The following AK8 variants were observed in gnomAD, a reference collection of about 807,000 sequenced individuals.
AK8 encodes the protein ATP-AMP transphosphorylase 8.
AK8 carries 44 observed loss-of-function variants against 54.6 expected under a neutral mutation model. That is an observed-to-expected ratio of 0.81 (90% CI 0.63 to 1.04). The LOEUF (loss-of-function observed/expected upper bound fraction) is 1.04, where lower values mean the gene tolerates loss of function less well. Among genes scored for constraint, AK8 ranks in the 50% least tolerant of loss-of-function variants. The pLI is 0.00. For synonymous variants in AK8, 239 were observed against 245.6 expected, an observed-to-expected ratio of 0.97 and a Z score of 0.25; for missense variants, 555 against 613.6, an observed-to-expected ratio of 0.90 and a Z score of 1.01.
intron 11 of AK8, among the ~76,000 whole-genome samples, chr9:132,732,830 G>C (rs1223419387): frequency 1.3e-5 from 2 of 152,022 alleles, no homozygotes; most frequent in African/African-American, 4.8e-5. Flanking sequence ...GCCTAGGCTG[G>C]GTTTCCTGCA....
chr9:132,742,785 C>G (rs1177451393), intron 11 of AK8, among the ~76,000 whole-genome samples: 5 of 152,230 alleles, frequency 3.3e-5, no homozygotes, highest in Non-Finnish European at 7.3e-5. Flanking sequence ...CGTGGGCCCA[C>G]ACACCAGCAC....
intron 11 of AK8, among the ~76,000 whole-genome samples, chr9:132,752,187 C>T (rs2131019647): frequency 6.6e-6 from 1 of 151,756 alleles, no homozygotes; most frequent in Non-Finnish European, 1.5e-5. Context: ...TAGACATACA[C>T]CCAAATGTCA....
At chr9:132,729,911 C>G (rs114054894) in intron 11 of AK8, among the ~76,000 whole-genome samples, 100 of 152,310 alleles carry the variant, frequency 6.6e-4, no homozygotes, top group African/African-American at 2.2e-3. Flanking sequence ...TGAGACCTCC[C>G]TCCTTCCCTC....
At chr9:132,735,399 T>C (rs115847470) in intron 11 of AK8, among the ~76,000 whole-genome samples, 121 of 152,338 alleles carry the variant, frequency 7.9e-4, no homozygotes, top group African/African-American at 2.8e-3. Context: ...ACTGCAAATA[T>C]GATGCCCGGT....
chr9:132,731,194 G>A (rs960739610), intron 11 of AK8, among the ~76,000 whole-genome samples: 2 of 152,186 alleles, frequency 1.3e-5, no homozygotes, highest in Admixed American at 6.5e-5. Context: ...CCTGAAAGCC[G>A]AATTCCGAGT....
chr9:132,789,941 A>G (rs539944811), intron 11 of AK8, among the ~76,000 whole-genome samples: 2 of 152,314 alleles, frequency 1.3e-5, no homozygotes, highest in African/African-American at 4.8e-5. Flanking sequence ...TTTCTATTTT[A>G]AGGTGAACTG....
At chr9:132,812,538 G>GGGATGACGGGTGAGCCGCCGCGCCCACTC (rs1841094698) in intron 10 of AK8, among the ~76,000 whole-genome samples, 1 of 150,720 alleles carries the variant, frequency 6.6e-6, no homozygotes, top group Non-Finnish European at 1.5e-5. Flanking sequence ...CGTGCCCACT[G>GGGATGACGGGTGAGCCGCCGCGCCCACTC]GGATGACGGG....
chr9:132,778,301 G>A (rs1243046790), intron 11 of AK8, among the ~76,000 whole-genome samples: 5 of 152,130 alleles, frequency 3.3e-5, no homozygotes, highest in Admixed American at 6.5e-5. Flanking sequence ...CCTGCTCGTC[G>A]GGAGGCTCAG....
At chr9:132,869,644 C>A (rs1444112869) in intron 2 of AK8, among the ~76,000 whole-genome samples, 4 of 152,218 alleles carry the variant, frequency 2.6e-5, no homozygotes, top group Admixed American at 2.6e-4. Flanking sequence ...TGGGGCAAGG[C>A]CTCCCAGGGC....
intron 2 of AK8, among the ~76,000 whole-genome samples, chr9:132,870,969 G>C (rs1296636169): frequency 6.6e-6 from 1 of 152,218 alleles, no homozygotes; most frequent in Non-Finnish European, 1.5e-5. Flanking sequence ...TAGGCGGCCG[G>C]GTATGGTGGC....
At chr9:132,752,039 A>C (rs1041227196) in intron 11 of AK8, among the ~76,000 whole-genome samples, 6 of 151,680 alleles carry the variant, frequency 4.0e-5, no homozygotes, top group African/African-American at 1.5e-4. Context: ...ATGGGGTTTC[A>C]TCATGTTGGT....
intron 10 of AK8, among the ~76,000 whole-genome samples, chr9:132,813,397 C>T (rs755761614): frequency 1.3e-5 from 2 of 152,224 alleles, no homozygotes; most frequent in Non-Finnish European, 2.9e-5. Flanking sequence ...TCCTCATCAA[C>T]CTGCTCCATC....
chr9:132,851,155 A>G (rs542203711), intron 5 of AK8, among the ~76,000 whole-genome samples: 1 of 152,320 alleles, frequency 6.6e-6, no homozygotes, highest in African/African-American at 2.4e-5. Flanking sequence ...ATGGGAGAAG[A>G]GCGAGCTAGG....
intron 10 of AK8, among the ~76,000 whole-genome samples, chr9:132,797,636 C>T (rs1440164571): frequency 6.6e-6 from 1 of 152,180 alleles, no homozygotes; most frequent in African/African-American, 2.4e-5. Context: ...ATTATACTAG[C>T]GATGGCTCCC....
intron 8 of AK8, among the ~76,000 whole-genome samples, chr9:132,823,656 T>C (rs1042641680): frequency 3.3e-5 from 5 of 152,206 alleles, no homozygotes; most frequent in Non-Finnish European, 5.9e-5. Flanking sequence ...TGTGTTGCAG[T>C]TGGGAGACTG....
At chr9:132,732,639 G>A (rs73545188) in intron 11 of AK8, among the ~76,000 whole-genome samples, 7,051 of 152,180 alleles carry the variant, frequency 0.046, 534 homozygotes, top group African/African-American at 0.16. Flanking sequence ...GTGGAAGCCC[G>A]GGGTTCCCTG....
At chr9:132,825,530 C>T (rs759410514) in intron 8 of AK8, among the ~76,000 whole-genome samples, 1 of 152,174 alleles carries the variant, frequency 6.6e-6, no homozygotes, top group Non-Finnish European at 1.5e-5. Context: ...GATGCAAAAT[C>T]ACTGGAAAAT....
At chr9:132,756,955 A>G (rs545197856) in intron 11 of AK8, among the ~76,000 whole-genome samples, 142 of 152,162 alleles carry the variant, frequency 9.3e-4, no homozygotes, top group Middle Eastern at 6.8e-3. Context: ...TTCCCCCCCA[A>G]ATATTTATGT....
In AK8 at chr9:132,725,894, T is replaced by A. The variant is rs1415731532; in HGVS notation, c.1234A>T (p.Met412Leu). The A allele has an allele frequency of 1.2e-6, 2 of 1,611,630 alleles. No homozygotes were observed. The highest frequency in any genetic ancestry group is 1.7e-6 in the Non-Finnish European group (2 of 1,179,656). The change falls in exon 13 of 13, where the codon ATG becomes TTG. Residue 412 changes from methionine to leucine, a missense_variant. Physicochemically the swap from Met to Leu is conservative, Grantham distance 15. Coordinates refer to ENST00000298545, the MANE Select transcript of AK8 (RefSeq NM_152572.3). Reference protein sequence around the residue: ...YHLMYKPPPTMEIQARLLQNP... With the variant: ...YHLMYKPPPTLEIQARLLQNP... ...TGCAGGAGGCGAGCCTGGATCTCCA[T>A]GGTGGGAGGTGGCTTGTACATGAGG...
Sources: gnomAD v4.1 joint callset for allele counts (sites outside exome capture counted in the v4.1 genomes callset) on GRCh38, gnomAD v4.1.1 for gene constraint, MANE v1.5 for transcripts, NCBI Gene and HGNC (gene_info 2026-07-23, HGNC 2026-07-21) for gene names.